The following TANC2 variants were observed in gnomAD, a reference collection of about 807,000 sequenced individuals.
TANC2 encodes tetratricopeptide repeat, ankyrin repeat and coiled-coil containing 2, also known as protein TANC2.
A neutral mutation model predicts 210.5 loss-of-function variants in TANC2; 26 were observed. The observed-to-expected ratio is 0.12, with a 90% CI of 0.09 to 0.17. The LOEUF is 0.17. TANC2 is among the 10% of genes least tolerant of loss of function. The pLI is 1.00. For synonymous variants in TANC2, 931 were observed against 967.1 expected, an observed-to-expected ratio of 0.96 and a Z score of 0.69; for missense variants, 2,129 against 2,608.9, an observed-to-expected ratio of 0.82 and a Z score of 4.01.
intron 19 of TANC2, among the ~76,000 whole-genome samples, chr17:63,399,481 G>T (rs1260758510): frequency 2.0e-5 from 3 of 152,218 alleles, no homozygotes; most frequent in Non-Finnish European, 2.9e-5. Flanking sequence ...ATCAGTTTCT[G>T]TATCGTTCGG....
chr17:63,012,827 ATG>A (rs979254872), intron 2 of TANC2, among the ~76,000 whole-genome samples: 4 of 151,964 alleles, frequency 2.6e-5, no homozygotes, highest in Non-Finnish European at 5.9e-5. Context: ...AATTAAAAAA[ATG>A]TTTTTGTAGA....
chr17:63,154,137 G>C (rs2039754892), intron 5 of TANC2: 1 of 152,180 alleles, frequency 6.6e-6, no homozygotes, highest in African/African-American at 2.4e-5. Flanking sequence ...AGCTACAACT[G>C]TGGAGATAAT....
chr17:62,990,102 T>C (rs1305776039), intron 1 of TANC2, among the ~76,000 whole-genome samples: 1 of 151,686 alleles, frequency 6.6e-6, no homozygotes, highest in Non-Finnish European at 1.5e-5. Context: ...GTTAGAGAAG[T>C]TTGGTGAGTA....
intron 8 of TANC2, among the ~76,000 whole-genome samples, chr17:63,260,595 G>A (rs1315786715): frequency 6.6e-6 from 1 of 151,970 alleles, no homozygotes; most frequent in Non-Finnish European, 1.5e-5. Context: ...GACCAGCCTG[G>A]GCAACACAGC....
chr17:62,989,010 T>A (rs2032718029), intron 1 of TANC2, among the ~76,000 whole-genome samples: 1 of 152,240 alleles, frequency 6.6e-6, no homozygotes, highest in South Asian at 2.1e-4. Context: ...AGTAAGTACT[T>A]GACGAATATG....
intron 2 of TANC2, among the ~76,000 whole-genome samples, chr17:63,036,948 C>T (rs931788354): frequency 4.6e-5 from 7 of 151,562 alleles, no homozygotes; most frequent in African/African-American, 1.5e-4. Flanking sequence ...TGGATAACAC[C>T]GAACCCTATA....
intron 12 of TANC2, among the ~76,000 whole-genome samples, chr17:63,341,869 A>G (rs1304152310): frequency 6.6e-6 from 1 of 152,250 alleles, no homozygotes; most frequent in Non-Finnish European, 1.5e-5. Context: ...CTTGATGGCC[A>G]GTATCCAACC....
chr17:63,255,455 T>C (rs1203786729), intron 8 of TANC2, among the ~76,000 whole-genome samples: 1 of 152,196 alleles, frequency 6.6e-6, no homozygotes, highest in African/African-American at 2.4e-5. Context: ...TCCTGGGCTT[T>C]TCTTTGCTGG....
chr17:63,132,370 G>A (rs967766252), intron 4 of TANC2, among the ~76,000 whole-genome samples: 3 of 152,052 alleles, frequency 2.0e-5, no homozygotes, highest in African/African-American at 7.2e-5. Context: ...AGCCAAATCA[G>A]CATCTACTTT....
chr17:63,181,707 G>A (rs2040790996), intron 5 of TANC2, among the ~76,000 whole-genome samples: 1 of 152,076 alleles, frequency 6.6e-6, no homozygotes, highest in South Asian at 2.1e-4. Context: ...AACCTCCAAG[G>A]ACCACATTTA....
At chr17:63,330,985 A>T (rs1235960792) in intron 11 of TANC2, among the ~76,000 whole-genome samples, 1 of 152,170 alleles carries the variant, frequency 6.6e-6, no homozygotes, top group African/African-American at 2.4e-5. Context: ...CTGAGGCAGG[A>T]GAATTGCTTG....
At chr17:63,228,268 C>G (rs970474287) in intron 7 of TANC2, among the ~76,000 whole-genome samples, 4 of 152,076 alleles carry the variant, frequency 2.6e-5, no homozygotes, top group Non-Finnish European at 5.9e-5. Context: ...TGTGAGATCT[C>G]TATTCTGTTC....
intron 8 of TANC2, among the ~76,000 whole-genome samples, chr17:63,256,674 A>G (rs748845278): frequency 7.2e-5 from 11 of 152,304 alleles, no homozygotes; most frequent in African/African-American, 2.6e-4. Flanking sequence ...GATCTGTCCA[A>G]TGCTGACAGT....
In TANC2 at chr17:63,151,362, G is replaced by A. The variant is rs371179329; in HGVS notation, c.415G>A (p.Val139Met). 7 of 985,672 alleles carry A rather than the reference G, an allele frequency of 7.1e-6. No homozygotes were observed. The Admixed American group carries it at 1.8e-4, about 26-fold the overall frequency. The allele number at this position is 985,672 out of a possible 1,614,324, so 61.1% of individuals were successfully genotyped here. A position where few individuals can be genotyped will look rare whatever the true frequency, so the allele number is the denominator to read the frequency against. Residue 139 changes from valine (V) to methionine (M), a missense_variant, in exon 5 of 28, where the codon GTG (valine) becomes ATG (methionine). This residue lies in a region of TANC2 where 739 missense variants were observed against 848.0 expected (regional missense o/e 0.87). Coordinates refer to ENST00000689528, the Ensembl canonical transcript of TANC2. ...CCTCACTTCAGCTCAGAAACTGGAC[G>A]TGGATGCATACTGCCCTGGTAAGCA... is the stretch of plus-strand genomic sequence containing the variant.
chr17:63,188,949 C>A (rs1460349153), intron 5 of TANC2, among the ~76,000 whole-genome samples: 30 of 152,078 alleles, frequency 2.0e-4, no homozygotes, highest in Admixed American at 1.8e-3. Flanking sequence ...CCCACACAAC[C>A]CAGTCCTAGG....
intron 4 of TANC2, among the ~76,000 whole-genome samples, chr17:63,148,013 T>A (rs2039521982): frequency 6.6e-6 from 1 of 152,214 alleles, no homozygotes; most frequent in Non-Finnish European, 1.5e-5. Flanking sequence ...GTTTTGAGGA[T>A]TTTATTTGAA....
intron 5 of TANC2, among the ~76,000 whole-genome samples, chr17:63,177,357 A>G (rs1163766738): frequency 6.6e-6 from 1 of 151,806 alleles, no homozygotes; most frequent in African/African-American, 2.4e-5. Context: ...TTAGAAAGAG[A>G]AGATCAGTAG....
At chr17:63,177,281 A>C (rs1318279965) in intron 5 of TANC2, among the ~76,000 whole-genome samples, 4 of 151,500 alleles carry the variant, frequency 2.6e-5, no homozygotes, top group Admixed American at 1.3e-4. Context: ...AAAAAAAAAA[A>C]AACACAAAAT....
intron 9 of TANC2, among the ~76,000 whole-genome samples, chr17:63,293,146 C>T (rs1598791603): frequency 6.6e-6 from 1 of 152,232 alleles, no homozygotes; most frequent in East Asian, 1.9e-4. Context: ...CACTCTAGTC[C>T]TATTCCTGAG....
Sources: allele counts gnomAD v4.1 joint callset (sites outside exome capture counted in the v4.1 genomes callset), GRCh38; gene constraint gnomAD v4.1.1; regional missense constraint gnomAD v4.1.1; transcripts MANE v1.5; gene names NCBI Gene and HGNC (gene_info 2026-07-23, HGNC 2026-07-21).